The following DGCR8 variants were observed in gnomAD, a reference collection of about 807,000 sequenced individuals.
DGCR8 encodes DGCR8 microprocessor complex subunit, also known as microprocessor complex subunit DGCR8.
DGCR8 carries 14 observed loss-of-function variants against 78.5 expected under a neutral mutation model. The observed-to-expected ratio is 0.18, with a 90% CI of 0.12 to 0.28. The LOEUF is 0.28. Among genes scored for constraint, DGCR8 ranks in the 10% least tolerant of loss-of-function variants. The pLI is 1.00. For synonymous variants in DGCR8, 399 were observed against 402.4 expected (o/e 0.99, Z 0.10); for missense variants, 702 against 1,022.5 (o/e 0.69, Z 4.28).
intron 9 of DGCR8, among the ~76,000 whole-genome samples, chr22:20,105,900 C>T (rs1258281524): frequency 2.6e-5 from 4 of 151,830 alleles, no homozygotes; most frequent in Non-Finnish European, 4.4e-5. Context: ...TGGGCCTGGC[C>T]AGCCAGCCAT....
At chr22:20,109,973 G>A in intron 13 of DGCR8, 52 bp from the exon 14 acceptor site, 2 of 1,576,878 alleles carry the variant, frequency 1.3e-6, no homozygotes, top group Non-Finnish European at 1.7e-6. Flanking sequence ...GTCTTCCCGA[G>A]CCTCTGCCAA....
chr22:20,104,114 A>T (rs1015063120), intron 9 of DGCR8, among the ~76,000 whole-genome samples: 1 of 150,910 alleles, frequency 6.6e-6, no homozygotes, highest in Non-Finnish European at 1.5e-5. Context: ...TCAGTAGCAC[A>T]TGTGGCCTCA....
rs766451548 is a variant in DGCR8 at position 20,110,147 on chromosome 22, G to A, written c.*39G>A. 35 of 1,585,766 alleles carry A rather than the reference G, an allele frequency of 2.2e-5. No individual in the cohort carries two copies. The highest frequency in any genetic ancestry group is 4.5e-5 in the East Asian group (2 of 44,744). Reference sequence around the variant, plus strand: ...GGCCAGGGCGCGGGGGCCGCCAGCCGCACTTCTGAGGAGACCAGCAGTCAT... The same window carrying A: ...GGCCAGGGCGCGGGGGCCGCCAGCCACACTTCTGAGGAGACCAGCAGTCAT... On this transcript the variant is annotated 3_prime_UTR_variant, in exon 14 of 14. Coordinates refer to ENST00000351989, the MANE Select transcript of DGCR8 (RefSeq NM_022720.7).
At chr22:20,100,888 C>T in intron 9 of DGCR8, 2 of 946,242 alleles carry the variant, frequency 2.1e-6, no homozygotes, top group South Asian at 4.9e-5. Context: ...CGTGGGACTG[C>T]CCCCACTTCC....
chr22:20,093,417 TAGA>T (rs1420441802), intron 8 of DGCR8, among the ~76,000 whole-genome samples: 1 of 150,728 alleles, frequency 6.6e-6, no homozygotes, highest in Non-Finnish European at 1.5e-5. Context: ...AAAAAAAAAG[TAGA>T]AGGCCTCTCT....
intron 1 of DGCR8, among the ~76,000 whole-genome samples, chr22:20,082,043 C>T (rs1255364671): frequency 1.4e-5 from 2 of 147,068 alleles, no homozygotes; most frequent in African/African-American, 5.1e-5. Context: ...AGTGATTCTT[C>T]TTTCTTTCTT....
chr22:20,083,242 G>GTTTTGTC (rs2049437792), intron 1 of DGCR8, among the ~76,000 whole-genome samples: 1 of 151,952 alleles, frequency 6.6e-6, no homozygotes, highest in Non-Finnish European at 1.5e-5. Flanking sequence ...GTTTTTGCTT[G>GTTTTGTC]AATACTTCTT....
In DGCR8 at chr22:20,111,100, G is replaced by A; in HGVS notation, c.*992G>A. On this transcript the variant is annotated 3_prime_UTR_variant, in exon 14 of 14. Transcript: ENST00000351989. ...CATTCTTGATCCAGAGCTGTTGCCT[G>A]TGACAGCGGTTTCTCTGGATGTCAA... 1 of 398,260 alleles carries A rather than the reference G, an allele frequency of 2.5e-6. No individual in the cohort carries two copies. The highest frequency in any genetic ancestry group is 4.4e-6 in the Non-Finnish European group (1 of 226,068). The allele number at this position is 398,260 out of a possible 1,614,324, so 24.7% of individuals were successfully genotyped here.
intron 5 of DGCR8, 77 bp downstream of exon 5, chr22:20,090,335 G>A (rs903137379): frequency 3.4e-6 from 5 of 1,475,146 alleles, no homozygotes; most frequent in Non-Finnish European, 3.6e-6. Context: ...GGCCATAATT[G>A]TTCATAGTTC....
chr22:20,084,912 G>A lies in DGCR8; in HGVS notation c.-277-775G>A, dbSNP rs2049461467. On this transcript the variant is annotated intron_variant, in intron 1 of 13. Coordinates refer to ENST00000351989, the MANE Select transcript of DGCR8 (RefSeq NM_022720.7). ...AAGTAGGAACCTACTTGTGGCATGA[G>A]AGTCGCTTCACCTTCAGTGGCTCCT... 3.2e-6 allele frequency: 3 copies of A among 928,646 alleles called. No homozygotes were observed. In the South Asian group the frequency reaches 1.5e-4, roughly 46 times the overall value. The allele number at this position is 928,646 out of a possible 1,614,324, so 57.5% of individuals were successfully genotyped here. A position where few individuals can be genotyped will look rare whatever the true frequency, so the allele number is the denominator to read the frequency against.
chr22:20,106,404 C>T (rs1198722724), intron 10 of DGCR8, 127 bp downstream of exon 10: 3 of 893,534 alleles, frequency 3.4e-6, no homozygotes, highest in Non-Finnish European at 5.3e-6. Context: ...CACAGCAGCC[C>T]CTTGGCCCTG....
intron 9 of DGCR8, among the ~76,000 whole-genome samples, chr22:20,102,930 C>T (rs754273885): frequency 2.6e-5 from 4 of 152,080 alleles, no homozygotes; most frequent in Non-Finnish European, 4.4e-5. Flanking sequence ...GTTAGGAGTT[C>T]GAGACCTGCC....
chr22:20,107,430 C>T (rs755421405), intron 12 of DGCR8, 32 bp downstream of exon 12: 6 of 1,612,848 alleles, frequency 3.7e-6, no homozygotes, highest in African/African-American at 1.3e-5. Context: ...CCAGGGCAGC[C>T]TGTGCTGCCA....
At chr22:20,091,053 A>C (rs1231166879) in intron 5 of DGCR8, among the ~76,000 whole-genome samples, 1 of 152,222 alleles carries the variant, frequency 6.6e-6, no homozygotes, top group Non-Finnish European at 1.5e-5. Flanking sequence ...GATGGCCAGA[A>C]GGAAAAGAGT....
Position 20,080,295 on chromosome 22 carries a change from C to G in DGCR8, c.-366C>G. The G allele has an allele frequency of 4.1e-6, 4 of 981,090 alleles. No homozygotes were observed. Among genetic ancestry groups the G allele is most frequent in the Non-Finnish European group, 4.8e-6 (4 of 828,198 alleles). The allele number at this position is 981,090 out of a possible 1,614,324, so 60.8% of individuals were successfully genotyped here. ...CCGGCGACCGGAGAGCCTGGACAGG[C>G]TTTCCAGATGGCTGCGGCGGTCGGT... On this transcript the variant is annotated 5_prime_UTR_variant, in exon 1 of 14. Transcript: ENST00000351989.
rs990984025 is a variant in DGCR8, at chr22:20,085,542, T to A, written c.-277-145T>A. The A allele has an allele frequency of 1.8e-6, 1 of 562,446 alleles. No individual in the cohort carries two copies. The highest frequency in any genetic ancestry group is 2.6e-6 in the Non-Finnish European group (1 of 377,784). 34.8% of individuals were successfully genotyped at this position (562,446 alleles called of 1,614,324 possible). ...CTGAAGAATAAAAGTAAGGTTAGTT[T>A]GTTTTGATGCCTAAAAAGTCCTCTT... On this transcript the variant is annotated intron_variant, in intron 1 of 13. Coordinates refer to ENST00000351989, the MANE Select transcript of DGCR8 (RefSeq NM_022720.7). This position sits in a 1 kb window ranked among gnomAD's most constrained non-coding sequence, Gnocchi z 6.2.
At chr22:20,092,734 C>A in intron 7 of DGCR8, 75 bp from the exon 8 acceptor site, 1 of 1,299,892 alleles carries the variant, frequency 7.7e-7, no homozygotes, top group Non-Finnish European at 1.1e-6. Context: ...CCTTGTCTGT[C>A]GGTGTGGGCA....
At chr22:20,081,359 C>T (rs1360011703) in intron 1 of DGCR8, among the ~76,000 whole-genome samples, 1 of 152,230 alleles carries the variant, frequency 6.6e-6, no homozygotes, top group East Asian at 1.9e-4. Flanking sequence ...GGTTTTCTCC[C>T]CGTGCCAAGG....
chr22:20,100,825 C>T (rs2049690347), intron 9 of DGCR8: 1 of 985,232 alleles, frequency 1.0e-6, no homozygotes, highest in Admixed American at 6.1e-5. Context: ...TCCTCCCACA[C>T]TGCAGCCTGT....
Sources: allele counts gnomAD v4.1 joint callset (sites outside exome capture counted in the v4.1 genomes callset), GRCh38; gene constraint gnomAD v4.1.1; non-coding constraint Gnocchi (gnomAD v3.1); transcripts MANE v1.5; gene names NCBI Gene and HGNC (gene_info 2026-07-23, HGNC 2026-07-21).